Variants in NEBL observed in about 807,000 individuals in gnomAD.
The protein encoded by NEBL is nebulette.
Under a neutral mutation model 140.2 loss-of-function variants are expected in NEBL, and 122 were observed. The observed-to-expected ratio is 0.87, with a 90% CI of 0.75 to 1.01. NEBL has a LOEUF of 1.01. Ranked by LOEUF, NEBL falls within the 50% of genes least tolerant of loss-of-function variation. The pLI is 0.00. For missense variants in NEBL, 1,365 were observed against 1,231.3 expected, an observed-to-expected ratio of 1.11 and a Z score of -1.62; for synonymous variants, 436 against 398.9, an observed-to-expected ratio of 1.09 and a Z score of -1.11.
chr10:21,265,083 C>G (rs991740987), intron 1 of NEBL, among the ~76,000 whole-genome samples: 1 of 151,794 alleles, frequency 6.6e-6, no homozygotes, highest in Admixed American at 6.6e-5. Context: ...CCACCGTGCC[C>G]GACTAATTTT....
At chr10:21,047,018 T>C (rs962771732) in intron 2 of NEBL, among the ~76,000 whole-genome samples, 1 of 152,242 alleles carries the variant, frequency 6.6e-6, no homozygotes, top group Non-Finnish European at 1.5e-5. Flanking sequence ...TGGTCTCTTA[T>C]AGTGTTATAT....
In NEBL at chr10:20,813,711, C is replaced by T. The variant is rs187192569; in HGVS notation, c.2346+228G>A. Reference sequence around the variant, plus strand: ...TCACACTATGAGTTTACAGTAGTCACGTTAGAAATAAAGACACACCAGAAA... The same window carrying T: ...TCACACTATGAGTTTACAGTAGTCATGTTAGAAATAAAGACACACCAGAAA... On this transcript the variant is annotated intron_variant, in intron 23 of 27. Transcript: ENST00000377122. 142 of 528,348 alleles carry T rather than the reference C, an allele frequency of 2.7e-4. 1 individual carries two copies. Among genetic ancestry groups the T allele is most frequent in the Middle Eastern group, 1.4e-3 (3 of 2,126 alleles). The allele number at this position is 528,348 out of a possible 1,614,324, so 32.7% of individuals were successfully genotyped here.
chr10:21,235,336 GTGT>G (rs1842333808), intron 3 of NEBL, among the ~76,000 whole-genome samples: 1 of 151,974 alleles, frequency 6.6e-6, no homozygotes, highest in Admixed American at 6.5e-5. Context: ...AAAAACATAA[GTGT>G]TTTTATTTAT....
chr10:20,999,442 T>C (rs1564475349), intron 3 of NEBL, among the ~76,000 whole-genome samples: 1 of 151,988 alleles, frequency 6.6e-6, no homozygotes, highest in African/African-American at 2.4e-5. Context: ...ACTAAAAATT[T>C]AAAAATATTA....
chr10:20,944,990 T>C (rs1204384217), intron 4 of NEBL, among the ~76,000 whole-genome samples: 5 of 152,178 alleles, frequency 3.3e-5, no homozygotes, highest in African/African-American at 1.2e-4. Flanking sequence ...GCACTCTCAA[T>C]ATTTAAACAA....
chr10:21,227,715 TTCTTCTTCTTCTTCTTC>T (rs1842180724), intron 3 of NEBL, among the ~76,000 whole-genome samples: 24 of 80,412 alleles, frequency 3.0e-4, no homozygotes, highest in African/African-American at 1.2e-3. Context: ...TTCTTCTTTC[TTCTTCTTCTTCTTCTTC>T]TTCTTCTTCT....
At chr10:21,174,158 T>C (rs958240715) in exon 1 of NEBL, 1 of 500,566 alleles carries the variant, frequency 2.0e-6, no homozygotes, top group Non-Finnish European at 2.6e-6. Context: ...GCTCACTCGC[T>C]CCCCCGCCTC....
chr10:21,234,075 G>A (rs1363866569), intron 3 of NEBL, among the ~76,000 whole-genome samples: 1 of 151,006 alleles, frequency 6.6e-6, no homozygotes, highest in Non-Finnish European at 1.5e-5. Context: ...AACACTCCAG[G>A]AAAGTATTAT....
At chr10:21,251,331 C>G (rs1055062671) in intron 2 of NEBL, among the ~76,000 whole-genome samples, 1 of 152,222 alleles carries the variant, frequency 6.6e-6, no homozygotes, top group South Asian at 2.1e-4. Flanking sequence ...GTGGCCAGGT[C>G]GGGGTAGGGC....
intron 3 of NEBL, among the ~76,000 whole-genome samples, chr10:21,222,468 T>C (rs1189705934): frequency 6.6e-6 from 1 of 152,228 alleles, no homozygotes; most frequent in Non-Finnish European, 1.5e-5. Flanking sequence ...TTTGGTGTTA[T>C]TGTTGCTGAT....
At chr10:20,953,919 G>T (rs1399636824) in intron 4 of NEBL, among the ~76,000 whole-genome samples, 2 of 151,314 alleles carry the variant, frequency 1.3e-5, no homozygotes, top group South Asian at 2.1e-4. Context: ...AACCGATCTT[G>T]CATTGAAGGG....
chr10:21,216,153 C>A (rs1350723409), intron 3 of NEBL, among the ~76,000 whole-genome samples: 1 of 152,154 alleles, frequency 6.6e-6, no homozygotes, highest in Non-Finnish European at 1.5e-5. Context: ...CGTGGGAAAG[C>A]CAGCCACGAG....
intron 2 of NEBL, among the ~76,000 whole-genome samples, chr10:21,099,909 T>C (rs1301633028): frequency 6.6e-6 from 1 of 152,196 alleles, no homozygotes; most frequent in African/African-American, 2.4e-5. Context: ...TAAACACTTA[T>C]AACTCAATAA....
chr10:21,141,540 G>C (rs960962753), intron 2 of NEBL, among the ~76,000 whole-genome samples: 45 of 152,146 alleles, frequency 3.0e-4, no homozygotes, highest in African/African-American at 9.9e-4. Context: ...AATAAAAGTT[G>C]AAACAATGAA....
At chr10:21,135,871 A>G (rs983289903) in intron 2 of NEBL, among the ~76,000 whole-genome samples, 8 of 152,224 alleles carry the variant, frequency 5.3e-5, no homozygotes, top group African/African-American at 1.9e-4. Context: ...AAACCCGGCC[A>G]GGATGAGAGA....
chr10:20,935,854 C>G (rs1834455236), intron 4 of NEBL, among the ~76,000 whole-genome samples: 1 of 152,120 alleles, frequency 6.6e-6, no homozygotes, highest in African/African-American at 2.4e-5. Flanking sequence ...TCATTATAGG[C>G]CCAACTTCCA....
chr10:21,082,672 AG>A (rs1388311020), intron 2 of NEBL, among the ~76,000 whole-genome samples: 1 of 151,946 alleles, frequency 6.6e-6, no homozygotes, highest in Non-Finnish European at 1.5e-5. Flanking sequence ...AACTATCACA[AG>A]GATGGAAAAA....
intron 4 of NEBL, among the ~76,000 whole-genome samples, chr10:20,948,168 T>C (rs2131586883): frequency 6.6e-6 from 1 of 152,304 alleles, no homozygotes; most frequent in East Asian, 1.9e-4. Flanking sequence ...TTTTATGGAA[T>C]TTAGAGTCTT....
chr10:20,943,603 G>A (rs984462601), intron 4 of NEBL, among the ~76,000 whole-genome samples: 1 of 151,886 alleles, frequency 6.6e-6, no homozygotes, highest in Non-Finnish European at 1.5e-5. Flanking sequence ...AAAAAAAAAA[G>A]TTGAAAGAGC....
Sources: gnomAD v4.1 joint callset for allele counts (sites outside exome capture counted in the v4.1 genomes callset) on GRCh38, gnomAD v4.1.1 for gene constraint, MANE v1.5 for transcripts, NCBI Gene and HGNC (gene_info 2026-07-23, HGNC 2026-07-21) for gene names.